CDC14B: variants seen among roughly 807,000 people sequenced by gnomAD.
CDC14B encodes cell division cycle 14B.
Under a neutral mutation model 64.2 loss-of-function variants are expected in CDC14B, and 22 were observed. That is an observed-to-expected ratio of 0.34 (90% confidence interval 0.24 to 0.49). CDC14B has a LOEUF of 0.49. Among genes scored for constraint, CDC14B ranks in the 20% least tolerant of loss-of-function variants. CDC14B has a pLI of 0.99. For synonymous variants in CDC14B, 191 were observed against 215.8 expected, an observed-to-expected ratio of 0.89 and a Z score of 1.01; for missense variants, 498 against 629.9, an observed-to-expected ratio of 0.79 and a Z score of 2.24.
chr9:96,566,831 T>C (rs745383867), intron 1 of CDC14B: 6 of 1,601,458 alleles, frequency 3.7e-6, no homozygotes, highest in Admixed American at 3.4e-5. Flanking sequence ...CCAAAGCATC[T>C]GGAAGGCGGG....
At position 96,502,667 on chromosome 9, in the gene CDC14B, T is replaced by G. The variant is rs1833655402; in HGVS notation, c.*1086A>C. On this transcript the variant is annotated 3_prime_UTR_variant, in exon 14 of 14. Transcript: ENST00000375241. ...CTTCATGGCACAGACTCTGCTGTGTTCCAGTAGGGCTGCGGGAGAAGGCAC... is the reference window on the plus strand; with the variant it reads ...CTTCATGGCACAGACTCTGCTGTGTGCCAGTAGGGCTGCGGGAGAAGGCAC... 1 of 385,088 alleles carries G rather than the reference T, an allele frequency of 2.6e-6. No homozygotes were observed. 23.9% of individuals were successfully genotyped at this position (385,088 alleles called of 1,614,324 possible).
intron 12 of CDC14B, among the ~76,000 whole-genome samples, chr9:96,519,464 G>A (rs527548674): frequency 5.7e-4 from 86 of 152,080 alleles, no homozygotes; most frequent in African/African-American, 1.6e-3. Context: ...GCCAGGCGCC[G>A]GTGGTTCATG....
intron 1 of CDC14B, among the ~76,000 whole-genome samples, chr9:96,587,676 T>C (rs1214393924): frequency 6.6e-6 from 1 of 152,242 alleles, no homozygotes; most frequent in Non-Finnish European, 1.5e-5. Context: ...ACCAGTCTGA[T>C]GACATAGGTC....
rs1360290906 is a variant in CDC14B at position 96,619,729 on chromosome 9, C to T, written c.-351G>A. On this transcript the variant is annotated 5_prime_UTR_variant, in exon 1 of 14. Transcript: ENST00000375241. ...GCTGCAGCTGGCGGCCGGAGCTGCC[C>T]GGGGTAACCGTGCGTGCCCACCGCG... 6.6e-6 allele frequency: 1 copy of T among 150,696 alleles called. No individual in the cohort carries two copies. Among genetic ancestry groups the T allele is most frequent in the Non-Finnish European group, 1.5e-5 (1 of 67,568 alleles). The allele number at this position is 150,696 out of a possible 1,614,324, so 9.3% of individuals were successfully genotyped here. A position where few individuals can be genotyped will look rare whatever the true frequency, so the allele number is the denominator to read the frequency against.
At chr9:96,554,543 T>C (rs1382097389) in intron 4 of CDC14B, among the ~76,000 whole-genome samples, 1 of 152,170 alleles carries the variant, frequency 6.6e-6, no homozygotes, top group Admixed American at 6.5e-5. Context: ...AATGTAACAT[T>C]TTTTTCCTAT....
chr9:96,503,548 T>A lies in CDC14B; in HGVS notation c.*205A>T. 3.4e-6 allele frequency: 2 copies of A among 588,046 alleles called. No individual in the cohort carries two copies. The highest frequency in any genetic ancestry group is 4.2e-5 in the South Asian group (2 of 47,314). 36.4% of individuals were successfully genotyped at this position (588,046 alleles called of 1,614,324 possible). The stretch of plus-strand genomic sequence containing the variant: ...CATGTTTGTCATTCAGCTTGAGAGC[T>A]GGACCCTTCTCTGAGTCATTTGCTT... On this transcript the variant is annotated 3_prime_UTR_variant, in exon 14 of 14. Coordinates refer to ENST00000375241, the MANE Select transcript of CDC14B (RefSeq NM_033331.4).
intron 6 of CDC14B, among the ~76,000 whole-genome samples, chr9:96,541,408 A>G (rs1190181180): frequency 6.6e-6 from 1 of 152,250 alleles, no homozygotes; most frequent in African/African-American, 2.4e-5. Flanking sequence ...ACAAAAATGA[A>G]GTGTTTGACA....
At chr9:96,575,632 ATATGAGT>A (rs1226055974) in intron 1 of CDC14B, among the ~76,000 whole-genome samples, 1 of 152,236 alleles carries the variant, frequency 6.6e-6, no homozygotes, top group Non-Finnish European at 1.5e-5. Flanking sequence ...AAGTCCAAAC[ATATGAGT>A]TATAATTTTA....
intron 1 of CDC14B, among the ~76,000 whole-genome samples, chr9:96,576,622 G>C (rs1312331376): frequency 9.2e-6 from 1 of 109,044 alleles, no homozygotes; most frequent in Non-Finnish European, 1.7e-5. Context: ...GACAGAGCGA[G>C]ACTCCATCTC....
intron 1 of CDC14B, among the ~76,000 whole-genome samples, chr9:96,606,480 C>G (rs1453027471): frequency 6.7e-6 from 1 of 149,864 alleles, no homozygotes; most frequent in Non-Finnish European, 1.5e-5. Context: ...CCCAGGAGTT[C>G]TAGACCAGCC....
intron 4 of CDC14B, among the ~76,000 whole-genome samples, chr9:96,559,592 A>G (rs1842896965): frequency 6.6e-6 from 1 of 152,170 alleles, no homozygotes; most frequent in South Asian, 2.1e-4. Context: ...CTGCTTTTCT[A>G]CTATGAATAC....
At chr9:96,593,172 A>G (rs953415363) in intron 1 of CDC14B, among the ~76,000 whole-genome samples, 1 of 152,148 alleles carries the variant, frequency 6.6e-6, no homozygotes, top group Non-Finnish European at 1.5e-5. Context: ...TGAGGGACCC[A>G]AAAGAAGACT....
At chr9:96,605,579 G>A (rs1846841930) in intron 1 of CDC14B, among the ~76,000 whole-genome samples, 1 of 152,222 alleles carries the variant, frequency 6.6e-6, no homozygotes, top group Non-Finnish European at 1.5e-5. Flanking sequence ...TCCCCTGTGA[G>A]TGCTTCCTGG....
At chr9:96,564,732 A>G (rs746374727) in intron 3 of CDC14B, 45 bp downstream of exon 3, 78 of 1,192,714 alleles carry the variant, frequency 6.5e-5, no homozygotes, top group Non-Finnish European at 9.1e-5. Flanking sequence ...CGTCCCCCAG[A>G]TCAAGCTAAC....
At chr9:96,503,920 A>G (rs2131252176) in intron 13 of CDC14B, 131 bp from the exon 14 acceptor site, 2 of 672,252 alleles carry the variant, frequency 3.0e-6, no homozygotes, top group South Asian at 3.9e-5. Context: ...GTAAGTTTCT[A>G]ATGACAAATA....
chr9:96,595,712 A>T (rs957726254), intron 1 of CDC14B, among the ~76,000 whole-genome samples: 23 of 152,232 alleles, frequency 1.5e-4, no homozygotes, highest in African/African-American at 5.1e-4. Flanking sequence ...GCATAAAAGA[A>T]CACAAATAGT....
intron 4 of CDC14B, among the ~76,000 whole-genome samples, chr9:96,554,020 C>G (rs543008115): frequency 1.3e-5 from 2 of 151,956 alleles, no homozygotes; most frequent in Non-Finnish European, 2.9e-5. Flanking sequence ...AAAAAATTAC[C>G]CTGCATGGTG....
At chr9:96,571,426 G>A (rs537844479) in intron 1 of CDC14B, among the ~76,000 whole-genome samples, 13 of 152,108 alleles carry the variant, frequency 8.5e-5, no homozygotes, top group African/African-American at 2.9e-4. Flanking sequence ...CGCCCGCCTC[G>A]GCCTCCCAGA....
intron 13 of CDC14B, among the ~76,000 whole-genome samples, chr9:96,505,185 A>G (rs964942961): frequency 2.2e-5 from 3 of 134,124 alleles, no homozygotes; most frequent in African/African-American, 5.8e-5. Context: ...TGTCTCATTT[A>G]AAAAAAAAAA....
Sources: gnomAD v4.1 joint callset for allele counts (sites outside exome capture counted in the v4.1 genomes callset) on GRCh38, gnomAD v4.1.1 for gene constraint, MANE v1.5 for transcripts, NCBI Gene and HGNC (gene_info 2026-07-23, HGNC 2026-07-21) for gene names.